KCNB2: variants seen among roughly 807,000 people sequenced by gnomAD.
The protein encoded by KCNB2 is potassium voltage-gated channel subfamily B member 2, also known as delayed rectifier potassium channel protein.
Under a neutral mutation model 61.5 loss-of-function variants are expected in KCNB2, and 15 were observed. That is an observed-to-expected ratio of 0.24 (90% confidence interval 0.16 to 0.38). The LOEUF (loss-of-function observed/expected upper bound fraction) is 0.38. Ranked by LOEUF, KCNB2 falls within the 10% of genes least tolerant of loss-of-function variation. The probability of loss-of-function intolerance (pLI) is 1.00; values close to 1 mark genes in which losing one functional copy is unlikely to be tolerated. For missense variants in KCNB2, 828 were observed against 1,125.2 expected (o/e 0.74, Z 3.78); for synonymous variants, 457 against 446.0 (o/e 1.02, Z -0.31).
chr8:72,569,254 G>A (rs1806674487), intron 2 of KCNB2, among the ~76,000 whole-genome samples: 1 of 152,140 alleles, frequency 6.6e-6, no homozygotes, highest in African/African-American at 2.4e-5. Flanking sequence ...AATGGAGTAC[G>A]GAATGGAGAA....
chr8:72,796,462 A>C, intron 2 of KCNB2, among the ~76,000 whole-genome samples: 1 of 152,216 alleles, frequency 6.6e-6, no homozygotes, highest in East Asian at 1.9e-4. Flanking sequence ...CCAAATATAT[A>C]AAAAATAAAT....
At chr8:72,715,113 A>T (rs1484467991) in intron 2 of KCNB2, among the ~76,000 whole-genome samples, 6 of 152,224 alleles carry the variant, frequency 3.9e-5, no homozygotes, top group African/African-American at 1.4e-4. Context: ...AGAACTAACT[A>T]TCCTAAATAT....
At chr8:72,594,291 C>T (rs1807151672) in intron 2 of KCNB2, among the ~76,000 whole-genome samples, 2 of 152,140 alleles carry the variant, frequency 1.3e-5, no homozygotes, top group Non-Finnish European at 2.9e-5. Context: ...GCAATTTGCA[C>T]CCCCCTCATC....
intron 1 of KCNB2, among the ~76,000 whole-genome samples, chr8:72,540,817 A>G (rs1032332230): frequency 6.6e-6 from 1 of 152,070 alleles, no homozygotes; most frequent in Non-Finnish European, 1.5e-5. Context: ...GCGTATTCCT[A>G]TAGGTTGAAT....
In KCNB2 at chr8:72,771,665, G is replaced by A. The variant is rs539981436; in HGVS notation, c.580-164270G>A. On this transcript the variant is annotated intron_variant, in intron 2 of 2. Coordinates refer to ENST00000523207, the MANE Select transcript of KCNB2 (RefSeq NM_004770.3). ...CAGGCCAGGCAAGGAGCAAGTAGGC[G>A]CAGAGACCAAGGAAACCTCTGGGAT... 1.7e-3 allele frequency among the ~76,000 whole-genome samples: 260 copies of A among 152,180 alleles called. 1 individual carries two copies. The highest frequency in any genetic ancestry group is 3.7e-3 in the African/African-American group (152 of 41,520).
chr8:72,745,692 A>G (rs1426905499), intron 2 of KCNB2, among the ~76,000 whole-genome samples: 1 of 152,160 alleles, frequency 6.6e-6, no homozygotes. Flanking sequence ...TAAATAGGCA[A>G]GACTGATTGG....
At chr8:72,887,456 G>A (rs1563413967) in intron 2 of KCNB2, among the ~76,000 whole-genome samples, 1 of 152,118 alleles carries the variant, frequency 6.6e-6, no homozygotes, top group Non-Finnish European at 1.5e-5. Flanking sequence ...TTCTTGGATG[G>A]CCCAATTTCA....
rs117458378 is a variant in KCNB2, at chr8:72,829,423, T to C, written c.580-106512T>C. Among the ~76,000 whole-genome samples, 522 of 152,322 alleles carry C rather than the reference T, an allele frequency of 3.4e-3. 3 individuals are homozygous for C. Among genetic ancestry groups the C allele is most frequent in the Non-Finnish European group, 4.1e-3 (278 of 68,016 alleles). On this transcript the variant is annotated intron_variant, in intron 2 of 2. Transcript: ENST00000523207. ...ACTAATATTGTCAGAAAGTTGTTCT[T>C]TGATTCAGTGATAAGACAGCTTCTG...
intron 2 of KCNB2, among the ~76,000 whole-genome samples, chr8:72,583,764 A>C (rs370162442): frequency 2.0e-5 from 3 of 152,140 alleles, no homozygotes; most frequent in Admixed American, 6.5e-5. Context: ...TGGTAAAACT[A>C]TATAGAATGA....
chr8:72,545,965 A>G (rs1368362737), intron 1 of KCNB2, among the ~76,000 whole-genome samples: 1 of 152,204 alleles, frequency 6.6e-6, no homozygotes, highest in East Asian at 1.9e-4. Context: ...AGCCTAATCC[A>G]GAACAAGACC....
At chr8:72,678,411 C>T (rs764443948) in intron 2 of KCNB2, among the ~76,000 whole-genome samples, 3 of 152,120 alleles carry the variant, frequency 2.0e-5, no homozygotes, top group Non-Finnish European at 4.4e-5. Flanking sequence ...ACTGTTTCTT[C>T]ACTCATTCTG....
chr8:72,796,892 G>T (rs1341746721), intron 2 of KCNB2, among the ~76,000 whole-genome samples: 1 of 152,160 alleles, frequency 6.6e-6, no homozygotes, highest in East Asian at 1.9e-4. Flanking sequence ...GTTCCATTTT[G>T]CAGTGTCTGT....
At chr8:72,725,561 ATATG>A (rs1318437656) in intron 2 of KCNB2, among the ~76,000 whole-genome samples, 28 of 54,956 alleles carry the variant, frequency 5.1e-4, no homozygotes, top group African/African-American at 1.4e-3. Flanking sequence ...ATATATGTAT[ATATG>A]TATATATATG....
intron 2 of KCNB2, among the ~76,000 whole-genome samples, chr8:72,721,639 C>T (rs184888215): frequency 9.9e-5 from 15 of 152,264 alleles, no homozygotes; most frequent in African/African-American, 3.6e-4. Flanking sequence ...ACTCTGTGCC[C>T]TCACAGACAT....
At chr8:72,668,143 A>T (rs967182256) in intron 2 of KCNB2, among the ~76,000 whole-genome samples, 1 of 152,220 alleles carries the variant, frequency 6.6e-6, no homozygotes, top group Non-Finnish European at 1.5e-5. Flanking sequence ...GCAATCATAC[A>T]CATAGCACTT....
intron 2 of KCNB2, among the ~76,000 whole-genome samples, chr8:72,585,684 AC>A (rs1374358055): frequency 6.6e-6 from 1 of 152,178 alleles, no homozygotes; most frequent in African/African-American, 2.4e-5. Context: ...TTCTTTAAAG[AC>A]AGAAGTTATA....
At chr8:72,659,410 G>A (rs888371226) in intron 2 of KCNB2, among the ~76,000 whole-genome samples, 5 of 152,214 alleles carry the variant, frequency 3.3e-5, no homozygotes, top group African/African-American at 1.2e-4. Context: ...GGTGATGGAT[G>A]TGCTGTGAAC....
intron 2 of KCNB2, among the ~76,000 whole-genome samples, chr8:72,786,373 T>G (rs1272272749): frequency 6.6e-6 from 1 of 152,178 alleles, no homozygotes; most frequent in Non-Finnish European, 1.5e-5. Flanking sequence ...GAATTTGAAA[T>G]GCTCTCAGGA....
intron 2 of KCNB2, among the ~76,000 whole-genome samples, chr8:72,843,649 G>C (rs960004374): frequency 1.3e-5 from 2 of 152,194 alleles, no homozygotes; most frequent in Non-Finnish European, 2.9e-5. Flanking sequence ...ATTTAGGATA[G>C]TTGGCTCTTC....
Sources: gnomAD v4.1 joint callset for allele counts (sites outside exome capture counted in the v4.1 genomes callset) on GRCh38, gnomAD v4.1.1 for gene constraint, MANE v1.5 for transcripts, NCBI Gene and HGNC (gene_info 2026-07-23, HGNC 2026-07-21) for gene names.